The following ASPSCR1 variants were observed in gnomAD, a reference collection of about 807,000 sequenced individuals.
The protein encoded by ASPSCR1 is ASPSCR1 tether for SLC2A4, UBX domain containing.
A neutral mutation model predicts 68.9 loss-of-function variants in ASPSCR1; 55 were observed. That is an observed-to-expected ratio of 0.80 (90% CI 0.64 to 1.00). The LOEUF (loss-of-function observed/expected upper bound fraction) is 1.00, where lower values mean the gene tolerates loss of function less well. Among genes scored for constraint, ASPSCR1 ranks in the 50% least tolerant of loss-of-function variants. ASPSCR1 has a pLI of 0.00. For synonymous variants in ASPSCR1, 352 were observed against 332.6 expected, an observed-to-expected ratio of 1.06 and a Z score of -0.63; for missense variants, 765 against 762.2, an observed-to-expected ratio of 1.00 and a Z score of -0.04.
At chr17:81,995,679 G>T (rs1057187086) in intron 5 of ASPSCR1, 17 of 542,246 alleles carry the variant, frequency 3.1e-5, no homozygotes, top group Non-Finnish European at 5.3e-5. Context: ...GTGGGTCCTG[G>T]CACCAGGGCT....
chr17:82,003,700 C>T (rs1416428975), intron 7 of ASPSCR1, among the ~76,000 whole-genome samples: 3 of 152,244 alleles, frequency 2.0e-5, no homozygotes, highest in Non-Finnish European at 2.9e-5. Context: ...CAGAGGCAGT[C>T]CCGCCTGCGT....
Position 81,996,695 on chromosome 17 carries a change from C to G in ASPSCR1, c.782C>G (p.Pro261Arg). 1 of 1,613,558 alleles carries G rather than the reference C, an allele frequency of 6.2e-7. No homozygotes were observed. Among genetic ancestry groups the G allele is most frequent in the East Asian group, 2.2e-5 (1 of 44,886 alleles). Reference protein sequence around the residue: ...RLGGPPGPTRPLTSSSAKLPK... With the variant: ...RLGGPPGPTRRLTSSSAKLPK... ...GGGGGCCCTCCTGGGCCCACGAGGC[C>G]TCTGACATCATCTTCAGCTAAGTTG... The change falls in exon 7 of 16, where the codon CCT (proline) becomes CGT (arginine). Residue 261 changes from proline to arginine, a missense_variant. By Grantham distance (103) the Pro-to-Arg change is moderately radical. Transcript: ENST00000306739.
At chr17:82,001,685 TG>T (rs1164031036) in intron 7 of ASPSCR1, among the ~76,000 whole-genome samples, 1 of 152,168 alleles carries the variant, frequency 6.6e-6, no homozygotes, top group Non-Finnish European at 1.5e-5. Context: ...CAGACCCCAC[TG>T]GCCCCTTCTG....
Position 81,983,480 on chromosome 17 carries a change from G to GGATGGCGGGGCGT in ASPSCR1, c.159-73_159-72insATGGCGGGGCGTG, listed in dbSNP as rs2041862701. ...ATGGCGGGGCGTGGATGGTGGGACG[G>GGATGGCGGGGCGT]GGATGGCGGGGCGTGGATGGCAGGG... On this transcript the variant is annotated intron_variant, in intron 2 of 15. Transcript: ENST00000306739. This position sits in a 1 kb window ranked among gnomAD's most constrained non-coding sequence, Gnocchi z 4.4. The GGATGGCGGGGCGT allele has an allele frequency of 8.3e-7, 1 of 1,211,560 alleles. No homozygotes were observed. The highest frequency in any genetic ancestry group is 1.6e-5 in the African/African-American group (1 of 63,594). The allele number at this position is 1,211,560 out of a possible 1,614,324, so 75.1% of individuals were successfully genotyped here.
At position 81,999,950 on chromosome 17, in the gene ASPSCR1, A is replaced by G. The variant is rs961678586; in HGVS notation, c.933+3104A>G. Among the ~76,000 whole-genome samples the G allele has an allele frequency of 3.3e-5, 5 of 152,188 alleles. No homozygotes were observed. The highest frequency in any genetic ancestry group is 1.2e-4 in the African/African-American group (5 of 41,454). ...CTGGGACTGTTCCTGTTGAGTGGAC[A>G]AGGGAGTGGGGAGTGAGGGTGTTGG... On this transcript the variant is annotated intron_variant, in intron 7 of 15. Coordinates refer to ENST00000306739, the MANE Select transcript of ASPSCR1 (RefSeq NM_024083.4). This position sits in a 1 kb window ranked among gnomAD's most constrained non-coding sequence, Gnocchi z 4.4.
chr17:81,996,575 C>T lies in ASPSCR1; in HGVS notation c.662C>T (p.Ser221Leu), dbSNP rs766418016. ...DLSRPEDADT[S>L]GPCCEHTQEK... The stretch of plus-strand genomic sequence containing the variant: ...AGCCGTCCGGAGGACGCGGACACCT[C>T]AGGGCCCTGCTGCGAGCACACTCAG... The change falls in exon 7 of 16, where the codon TCA becomes TTA. Residue 221 changes from serine (S) to leucine (L), a missense_variant. By Grantham distance (145) the Ser-to-Leu change is moderately radical (BLOSUM62 -2). Transcript: ENST00000306739. 8.1e-6 allele frequency: 13 copies of T among 1,612,308 alleles called. No homozygotes were observed. Among genetic ancestry groups the T allele is most frequent in the South Asian group, 2.2e-5 (2 of 91,058 alleles).
chr17:82,016,838 TCC>T lies in ASPSCR1; in HGVS notation c.1447_1448del (p.Pro483IlefsTer25). 1 of 1,611,808 alleles carries T rather than the reference TCC, an allele frequency of 6.2e-7. No homozygotes were observed. ...LEPGLLEHAI[S>X]PSAADVLVAR... ...GCCTGGCCTGCTGGAGCATGCCATC[TCC>T]CCATCTGCGGCCGATGTGCTGGTGG... On this transcript the variant is annotated frameshift_variant, in exon 14 of 16. Transcript: ENST00000306739. LOFTEE classifies it high-confidence loss of function.
chr17:82,000,295 G>GCCCGTC (rs2042485976), intron 7 of ASPSCR1, among the ~76,000 whole-genome samples: 1 of 152,230 alleles, frequency 6.6e-6, no homozygotes, highest in Non-Finnish European at 1.5e-5. Context: ...GCCCGTGCTC[G>GCCCGTC]CCCGTCGGGA....
In ASPSCR1 at chr17:81,996,643, C is replaced by G. The variant is rs201786107; in HGVS notation, c.730C>G (p.Pro244Ala). Residue 244 changes from proline (P) to alanine (A), a missense_variant, in exon 7 of 16, where the codon CCT becomes GCT. Transcript: ENST00000306739. The stretch of plus-strand genomic sequence containing the variant: ...GGCACCCGCAGCTGCCCCCTTTGTT[C>G]CTTTCTCGGGTGGGGGACAGAGACT... ...TRAPAAAPFV[P>A]FSGGGQRLGG... The G allele has an allele frequency of 8.1e-6, 13 of 1,612,772 alleles. No homozygotes were observed. The highest frequency in any genetic ancestry group is 1.7e-4 in the Middle Eastern group (1 of 6,040).
intron 4 of ASPSCR1, among the ~76,000 whole-genome samples, chr17:81,992,020 T>C (rs2042185763): frequency 6.6e-6 from 1 of 152,234 alleles, no homozygotes; most frequent in Non-Finnish European, 1.5e-5. Context: ...GCCGTCCCGC[T>C]GGCTTCTGGC....
At chr17:81,994,989 C>A (rs1416322724) in intron 5 of ASPSCR1, 111 bp downstream of exon 5, 4 of 1,195,730 alleles carry the variant, frequency 3.3e-6, no homozygotes, top group Middle Eastern at 2.1e-4. Context: ...GAGACTCGGG[C>A]TCTTGAAAGC....
chr17:82,013,002 G>C (rs1345041693), intron 12 of ASPSCR1: 1 of 152,154 alleles, frequency 6.6e-6, no homozygotes, highest in Non-Finnish European at 1.5e-5. Context: ...CCACAGAGGC[G>C]GGTTTTTTTT....
intron 1 of ASPSCR1, chr17:81,978,156 C>T (rs1161366866): frequency 1.3e-5 from 2 of 155,296 alleles, no homozygotes; most frequent in Non-Finnish European, 2.8e-5. Context: ...GGCCGTGGGG[C>T]CTGGAAGCGA....
At chr17:81,995,287 G>C (rs186418945) in intron 5 of ASPSCR1, 3 of 369,256 alleles carry the variant, frequency 8.1e-6, no homozygotes, top group East Asian at 8.4e-5. Flanking sequence ...TTGCTGGGGT[G>C]GGGGGGCACT....
chr17:81,980,259 A>C (rs979815029), intron 2 of ASPSCR1, among the ~76,000 whole-genome samples: 24 of 152,208 alleles, frequency 1.6e-4, no homozygotes, highest in African/African-American at 4.6e-4. Flanking sequence ...GGGATTACAG[A>C]GATGAGTCAC....
intron 8 of ASPSCR1, 134 bp from the exon 9 acceptor site, chr17:82,009,352 C>A: frequency 7.4e-7 from 1 of 1,350,044 alleles, no homozygotes; most frequent in South Asian, 1.5e-5. Flanking sequence ...CAGGGAGGGG[C>A]GTCCAGACCT....
At chr17:81,992,462 T>C (rs1308077906) in intron 4 of ASPSCR1, among the ~76,000 whole-genome samples, 1 of 152,216 alleles carries the variant, frequency 6.6e-6, no homozygotes, top group East Asian at 1.9e-4. Flanking sequence ...TGTTTGTGAT[T>C]TGAGGTCCCC....
chr17:82,000,354 G>C (rs551769512), intron 7 of ASPSCR1, among the ~76,000 whole-genome samples: 1 of 152,344 alleles, frequency 6.6e-6, no homozygotes, highest in East Asian at 1.9e-4. Context: ...CCAGGGGAGG[G>C]AGCGTGTGCC....
At position 81,986,389 on chromosome 17, in the gene ASPSCR1, G is replaced by A. The variant is rs370719752; in HGVS notation, c.374+782G>A. Among the ~76,000 whole-genome samples the A allele has an allele frequency of 1.9e-3, 287 of 152,218 alleles. 1 individual carries two copies. The highest frequency in any genetic ancestry group is 6.7e-3 in the African/African-American group (278 of 41,528). On this transcript the variant is annotated intron_variant, in intron 4 of 15. Transcript: ENST00000306739. This position sits in a 1 kb window ranked among gnomAD's most constrained non-coding sequence, Gnocchi z 5.2. The stretch of plus-strand genomic sequence containing the variant: ...AGTTGCAGTGAGCCGAGATCGCACT[G>A]CTGCACTCCAGCCTGGGCAACAGAA...
Sources: gnomAD v4.1 joint callset for allele counts (sites outside exome capture counted in the v4.1 genomes callset) on GRCh38, gnomAD v4.1.1 for gene constraint, Gnocchi (gnomAD v3.1) non-coding constraint, MANE v1.5 for transcripts, NCBI Gene and HGNC (gene_info 2026-07-23, HGNC 2026-07-21) for gene names.